Variants in USP13 observed in about 807,000 individuals in gnomAD.
USP13 encodes ubiquitin specific peptidase 13.
Under a neutral mutation model 107.8 loss-of-function variants are expected in USP13, and 68 were observed. The ratio of observed to expected loss-of-function variants is 0.63; its 90% CI spans 0.52 to 0.77. USP13 has a LOEUF of 0.77. USP13 is among the 30% of genes least tolerant of loss of function. The pLI is 0.00. For synonymous variants in USP13, 377 were observed against 389.5 expected, an observed-to-expected ratio of 0.97 and a Z score of 0.38; for missense variants, 945 against 1,093.3, an observed-to-expected ratio of 0.86 and a Z score of 1.91.
chr3:179,687,250 G>T (rs1486658516), intron 2 of USP13, among the ~76,000 whole-genome samples: 1 of 152,122 alleles, frequency 6.6e-6, no homozygotes, highest in Non-Finnish European at 1.5e-5. Context: ...TCTTTGATCT[G>T]CTTTCCCTCT....
rs769958157 is a variant in USP13, at chr3:179,764,122, C to T, written c.2213C>T (p.Ser738Phe). ...PPEEIVAIIT[S>F]MGFQRNQAIQ... ...GAGGAAATCGTAGCTATCATCACCT[C>T]CATGGGATTTCAGCGAAATCAGGCT... The change falls in exon 18 of 21, where the codon TCC becomes TTC. Residue 738 changes from serine to phenylalanine, a missense_variant. Ser to Phe is a radical substitution (Grantham distance 155). Coordinates refer to ENST00000263966, the MANE Select transcript of USP13 (RefSeq NM_003940.3). 1 of 1,613,868 alleles carries T rather than the reference C, an allele frequency of 6.2e-7. No homozygotes were observed. Among genetic ancestry groups the T allele is most frequent in the African/African-American group, 1.3e-5 (1 of 74,832 alleles).
At position 179,732,592 on chromosome 3, in the gene USP13, C is replaced by T. The variant is rs1713844256; in HGVS notation, c.1254+1883C>T. Reference sequence around the variant, plus strand: ...TGAATGTTTTAGGCCCAGGAGTCCCCTTTCTAATGTAAATAAAATCATGGA... The same window carrying T: ...TGAATGTTTTAGGCCCAGGAGTCCCTTTTCTAATGTAAATAAAATCATGGA... On this transcript the variant is annotated intron_variant, in intron 10 of 20. Transcript: ENST00000263966. 2.6e-5 allele frequency among the ~76,000 whole-genome samples: 4 copies of T among 152,102 alleles called. No individual in the cohort carries two copies. In the South Asian group the frequency reaches 8.3e-4, roughly 32 times the overall value.
chr3:179,665,128 T>C (rs1720551216), intron 1 of USP13, among the ~76,000 whole-genome samples: 1 of 152,136 alleles, frequency 6.6e-6, no homozygotes, highest in South Asian at 2.1e-4. Context: ...TTCTGCTTTG[T>C]GTTAGTTAAC....
intron 19 of USP13, 64 bp downstream of exon 19, chr3:179,765,912 C>T (rs1191226189): frequency 2.6e-6 from 4 of 1,534,140 alleles, no homozygotes; most frequent in Non-Finnish European, 3.5e-6. Flanking sequence ...ATGCCCTTCC[C>T]TCCCACCACA....
At chr3:179,747,777 T>C (rs2108520012) in intron 13 of USP13, among the ~76,000 whole-genome samples, 1 of 152,284 alleles carries the variant, frequency 6.6e-6, no homozygotes, top group South Asian at 2.1e-4. Flanking sequence ...GAAATGATGC[T>C]CTCCTGAATT....
At chr3:179,661,271 T>C (rs1720449548) in intron 1 of USP13, among the ~76,000 whole-genome samples, 1 of 152,196 alleles carries the variant, frequency 6.6e-6, no homozygotes, top group Non-Finnish European at 1.5e-5. Flanking sequence ...CTTATTCCAG[T>C]CACTTACCTC....
chr3:179,750,740 C>T (rs11715929), intron 13 of USP13, among the ~76,000 whole-genome samples: 41,379 of 152,110 alleles, frequency 0.27, 6,924 homozygotes, highest in East Asian at 0.47. Context: ...GTGCGCCAAG[C>T]GGTTTCACAT....
At chr3:179,761,884 G>A (rs1258368328) in intron 17 of USP13, among the ~76,000 whole-genome samples, 1 of 152,122 alleles carries the variant, frequency 6.6e-6, no homozygotes, top group African/African-American at 2.4e-5. Flanking sequence ...ATGGAAACAT[G>A]GGCATGAAGA....
intron 2 of USP13, among the ~76,000 whole-genome samples, chr3:179,688,306 C>A (rs1257332845): frequency 6.6e-6 from 1 of 152,148 alleles, no homozygotes. Context: ...CTGCCCACAC[C>A]CTTTTCCTCA....
intron 1 of USP13, among the ~76,000 whole-genome samples, chr3:179,669,512 G>A (rs904152615): frequency 2.6e-5 from 4 of 151,848 alleles, no homozygotes; most frequent in Admixed American, 6.6e-5. Context: ...GACACTGCCC[G>A]TTTCCCTGTC....
At chr3:179,774,723 G>T (rs976471615) in intron 19 of USP13, among the ~76,000 whole-genome samples, 1 of 152,212 alleles carries the variant, frequency 6.6e-6, no homozygotes, top group African/African-American at 2.4e-5. Flanking sequence ...CAAGCAGGTT[G>T]CCACTGCTGG....
rs553196867 is a variant in USP13, at chr3:179,772,434, C to T, written c.2413+6586C>T. ...TTTGGTGTAATGGTTTAGATGTCTC[C>T]GATGCTGCTGAGATTTTCCAGGCAG... is the stretch of plus-strand genomic sequence containing the variant. On this transcript the variant is annotated intron_variant, in intron 19 of 20. Coordinates refer to ENST00000263966, the MANE Select transcript of USP13 (RefSeq NM_003940.3). 7.3e-4 allele frequency among the ~76,000 whole-genome samples: 111 copies of T among 152,308 alleles called. 1 individual carries two copies. The highest frequency in any genetic ancestry group is 2.3e-3 in the African/African-American group (95 of 41,576).
intron 19 of USP13, among the ~76,000 whole-genome samples, chr3:179,777,735 GC>G (rs1715598433): frequency 6.6e-6 from 1 of 152,126 alleles, no homozygotes. Context: ...ACAGGCGTTT[GC>G]CACCATGCCT....
intron 19 of USP13, among the ~76,000 whole-genome samples, chr3:179,766,695 A>G (rs975979468): frequency 6.6e-6 from 1 of 152,186 alleles, no homozygotes; most frequent in Non-Finnish European, 1.5e-5. Flanking sequence ...AATTCTCACT[A>G]CAACTGATTT....
chr3:179,683,393 C>G (rs796342667), intron 2 of USP13, among the ~76,000 whole-genome samples: 17 of 152,240 alleles, frequency 1.1e-4, no homozygotes, highest in African/African-American at 3.8e-4. Context: ...ACATTTTATA[C>G]TAGTCTGTTT....
intron 10 of USP13, among the ~76,000 whole-genome samples, chr3:179,738,614 G>A (rs2108510475): frequency 6.6e-6 from 1 of 152,268 alleles, no homozygotes; most frequent in Non-Finnish European, 1.5e-5. Context: ...GAAACATTTG[G>A]GAAACAGCTT....
intron 1 of USP13, among the ~76,000 whole-genome samples, chr3:179,671,755 C>G (rs1209483335): frequency 6.6e-6 from 1 of 151,914 alleles, no homozygotes; most frequent in Non-Finnish European, 1.5e-5. Flanking sequence ...CCTGTCCGCT[C>G]TTTTTTGAGT....
At chr3:179,778,944 T>G (rs1365699366) in intron 19 of USP13, among the ~76,000 whole-genome samples, 1 of 152,018 alleles carries the variant, frequency 6.6e-6, no homozygotes, top group Non-Finnish European at 1.5e-5. Context: ...GGACCTGAGA[T>G]CTCAATGAAG....
At chr3:179,694,382 A>C (rs1576930539) in intron 3 of USP13, among the ~76,000 whole-genome samples, 1 of 152,270 alleles carries the variant, frequency 6.6e-6, no homozygotes, top group East Asian at 1.9e-4. Context: ...CCAGGGATCT[A>C]GGCTCTTCCC....
Sources: allele counts gnomAD v4.1 joint callset (sites outside exome capture counted in the v4.1 genomes callset), GRCh38; gene constraint gnomAD v4.1.1; transcripts MANE v1.5; gene names NCBI Gene and HGNC (gene_info 2026-07-23, HGNC 2026-07-21).